LDLRAD3: variants seen among roughly 807,000 people sequenced by gnomAD.
The protein encoded by LDLRAD3 is low-density lipoprotein receptor class A domain-containing protein 3.
Under a neutral mutation model 29.4 loss-of-function variants are expected in LDLRAD3, and 20 were observed. The observed-to-expected ratio is 0.68, with a 90% CI of 0.48 to 0.99. The LOEUF (loss-of-function observed/expected upper bound fraction) is 0.99, where lower values mean the gene tolerates loss of function less well. Among genes scored for constraint, LDLRAD3 ranks in the 50% least tolerant of loss-of-function variants. LDLRAD3 has a pLI of 0.00. For missense variants in LDLRAD3, 420 were observed against 454.3 expected (o/e 0.92, Z 0.69); for synonymous variants, 157 against 192.7 (o/e 0.81, Z 1.53).
chr11:36,119,071 G>A (rs12419296), intron 4 of LDLRAD3, among the ~76,000 whole-genome samples: 31,335 of 151,928 alleles, frequency 0.21, 3,819 homozygotes, highest in East Asian at 0.33. Context: ...AATTGTTAGT[G>A]TAGTAAAATA....
At chr11:36,039,033 G>C (rs972686231) in intron 2 of LDLRAD3, among the ~76,000 whole-genome samples, 2 of 150,010 alleles carry the variant, frequency 1.3e-5, no homozygotes, top group Non-Finnish European at 3.0e-5. Flanking sequence ...GCAGTGGCGT[G>C]ATCTCGGCTC....
chr11:36,196,638 A>G (rs1590347908), intron 4 of LDLRAD3: 1 of 152,244 alleles, frequency 6.6e-6, no homozygotes, highest in Non-Finnish European at 1.5e-5. Context: ...AATTCATATC[A>G]TGTGAAAAAC....
chr11:36,159,086 C>A (rs1174280281), intron 4 of LDLRAD3, among the ~76,000 whole-genome samples: 1 of 152,102 alleles, frequency 6.6e-6, no homozygotes, highest in Non-Finnish European at 1.5e-5. Flanking sequence ...AAGGGCTGAA[C>A]TGTTACTCAG....
chr11:36,027,127 G>A (rs1206958298), intron 1 of LDLRAD3, among the ~76,000 whole-genome samples: 4 of 152,188 alleles, frequency 2.6e-5, no homozygotes, highest in Non-Finnish European at 4.4e-5. Context: ...CAGATGTGCC[G>A]TGTATGAGTT....
At chr11:36,195,065 C>T (rs768742292) in intron 4 of LDLRAD3, among the ~76,000 whole-genome samples, 1 of 152,156 alleles carries the variant, frequency 6.6e-6, no homozygotes, top group African/African-American at 2.4e-5. Context: ...GACCATACTT[C>T]TGTTATAGAG....
At chr11:36,126,604 T>C (rs1262426026) in intron 4 of LDLRAD3, among the ~76,000 whole-genome samples, 1 of 152,114 alleles carries the variant, frequency 6.6e-6, no homozygotes, top group Non-Finnish European at 1.5e-5. Context: ...GCCCGGATCA[T>C]CCATCAGGGC....
intron 1 of LDLRAD3, among the ~76,000 whole-genome samples, chr11:35,985,911 A>G (rs969137044): frequency 1.3e-5 from 2 of 151,818 alleles, no homozygotes; most frequent in African/African-American, 4.9e-5. Flanking sequence ...GAACAGACTA[A>G]TACAGTGGAG....
chr11:36,123,337 C>T (rs963778161), intron 4 of LDLRAD3, among the ~76,000 whole-genome samples: 3 of 152,194 alleles, frequency 2.0e-5, no homozygotes, highest in East Asian at 1.9e-4. Context: ...CTCAGCTAAT[C>T]GTAGCTCACC....
intron 2 of LDLRAD3, among the ~76,000 whole-genome samples, chr11:36,066,689 G>A (rs955278206): frequency 2.0e-5 from 3 of 151,994 alleles, no homozygotes; most frequent in Non-Finnish European, 2.9e-5. Context: ...TTTAAAGGTC[G>A]ATGATAGCCA....
chr11:36,052,946 C>T (rs1004023493), intron 2 of LDLRAD3, among the ~76,000 whole-genome samples: 5 of 149,190 alleles, frequency 3.4e-5, no homozygotes, highest in Non-Finnish European at 5.9e-5. Context: ...TGCTAGGACC[C>T]AGCTCTCTGA....
At chr11:36,137,269 T>G (rs1854017857) in intron 4 of LDLRAD3, among the ~76,000 whole-genome samples, 1 of 152,246 alleles carries the variant, frequency 6.6e-6, no homozygotes, top group Admixed American at 6.5e-5. Context: ...CTCTGACACC[T>G]GCTGGGGTAG....
At chr11:36,210,744 G>C (rs1024101783) in intron 4 of LDLRAD3, among the ~76,000 whole-genome samples, 9 of 152,182 alleles carry the variant, frequency 5.9e-5, no homozygotes, top group African/African-American at 2.2e-4. Flanking sequence ...ACCACCCAGG[G>C]AGGTGGTGGT....
chr11:36,082,380 A>G (rs1448354899), intron 3 of LDLRAD3, among the ~76,000 whole-genome samples: 2 of 152,244 alleles, frequency 1.3e-5, no homozygotes, highest in East Asian at 3.9e-4. Context: ...ATGGTGGCAC[A>G]TGCCTCTAGT....
chr11:36,104,397 G>A (rs1474103360), intron 4 of LDLRAD3, among the ~76,000 whole-genome samples: 7 of 152,140 alleles, frequency 4.6e-5, no homozygotes, highest in Non-Finnish European at 7.4e-5. Context: ...GATCATAAAT[G>A]TTTGTTTGTT....
intron 1 of LDLRAD3, among the ~76,000 whole-genome samples, chr11:36,012,796 CA>C (rs1038866323): frequency 6.7e-4 from 102 of 151,928 alleles, no homozygotes; most frequent in Middle Eastern, 3.4e-3. Context: ...ACTGAAACTG[CA>C]AAAAACGAAA....
chr11:36,059,743 TCACCAC>T (rs1233895636), intron 2 of LDLRAD3, among the ~76,000 whole-genome samples: 2 of 152,162 alleles, frequency 1.3e-5, no homozygotes, highest in Non-Finnish European at 2.9e-5. Context: ...TCTCCGTACA[TCACCAC>T]CTAGCACTTA....
At chr11:36,170,623 C>T (rs756672412) in intron 4 of LDLRAD3, among the ~76,000 whole-genome samples, 1 of 151,994 alleles carries the variant, frequency 6.6e-6, no homozygotes, top group Non-Finnish European at 1.5e-5. Flanking sequence ...TTCCTACCAG[C>T]GATATAAAAG....
intron 4 of LDLRAD3, among the ~76,000 whole-genome samples, chr11:36,201,160 T>C (rs1408876682): frequency 6.6e-6 from 1 of 152,182 alleles, no homozygotes; most frequent in Non-Finnish European, 1.5e-5. Context: ...ATGCTGGTCT[T>C]CTTTGAAGGC....
chr11:36,129,542 A>G (rs866479778), intron 4 of LDLRAD3, among the ~76,000 whole-genome samples: 4 of 152,152 alleles, frequency 2.6e-5, no homozygotes, highest in African/African-American at 9.7e-5. Context: ...GATGTTCTGC[A>G]CTCAGATTTT....
Sources: gnomAD v4.1 joint callset for allele counts (sites outside exome capture counted in the v4.1 genomes callset) on GRCh38, gnomAD v4.1.1 for gene constraint, MANE v1.5 for transcripts, NCBI Gene and HGNC (gene_info 2026-07-23, HGNC 2026-07-21) for gene names.